OTUD7A: variants seen among roughly 807,000 people sequenced by gnomAD.
The protein encoded by OTUD7A is OTU deubiquitinase 7A, also known as OTU domain-containing protein 7A.
A neutral mutation model predicts 65.7 loss-of-function variants in OTUD7A; 12 were observed. That is an observed-to-expected ratio of 0.18 (90% confidence interval 0.12 to 0.30). OTUD7A has a LOEUF of 0.30. Ranked by LOEUF, OTUD7A falls within the 10% of genes least tolerant of loss-of-function variation. The pLI is 1.00. For synonymous variants in OTUD7A, 641 were observed against 586.3 expected (o/e 1.09, Z -1.35); for missense variants, 1,148 against 1,304.8 (o/e 0.88, Z 1.85).
chr15:31,611,173 C>T (rs1229575800), intron 3 of OTUD7A, among the ~76,000 whole-genome samples: 4 of 151,978 alleles, frequency 2.6e-5, no homozygotes, highest in Non-Finnish European at 5.9e-5. Context: ...GAGGAAACTT[C>T]ATAGCCCTAC....
At chr15:31,563,866 A>C (rs1888775540) in intron 4 of OTUD7A, among the ~76,000 whole-genome samples, 1 of 152,202 alleles carries the variant, frequency 6.6e-6, no homozygotes, top group Non-Finnish European at 1.5e-5. Flanking sequence ...CTCCAGCTTG[A>C]GTACCCTTCC....
chr15:31,654,681 T>C (rs1244280185), intron 3 of OTUD7A, among the ~76,000 whole-genome samples: 1 of 152,170 alleles, frequency 6.6e-6, no homozygotes, highest in Non-Finnish European at 1.5e-5. Context: ...GAAAACATCA[T>C]ACATACGGAG....
chr15:31,511,005 T>G (rs1461261694), intron 8 of OTUD7A, among the ~76,000 whole-genome samples: 1 of 56,422 alleles, frequency 1.8e-5, no homozygotes, highest in Non-Finnish European at 3.0e-5. Flanking sequence ...TATGTATATC[T>G]ATATGTAACA....
intron 1 of OTUD7A, among the ~76,000 whole-genome samples, chr15:31,663,261 A>G (rs1200516765): frequency 6.6e-6 from 1 of 151,746 alleles, no homozygotes; most frequent in Non-Finnish European, 1.5e-5. Context: ...ACACACACAC[A>G]CACACACACA....
chr15:31,811,551 G>A (rs977183118), intron 1 of OTUD7A, among the ~76,000 whole-genome samples: 4 of 152,128 alleles, frequency 2.6e-5, no homozygotes, highest in Non-Finnish European at 5.9e-5. Context: ...GTATGTGTAT[G>A]TGAGTGTGCG....
At position 31,655,233 on chromosome 15, in the gene OTUD7A, A is replaced by G; in HGVS notation, c.14T>C (p.Val5Ala). The change falls in exon 3 of 13, where the codon GTG (valine) becomes GCG (alanine). Residue 5 changes from valine (V) to alanine (A), a missense_variant. By Grantham distance (64) the Val-to-Ala change is moderately conservative. Coordinates refer to ENST00000307050, the MANE Select transcript of OTUD7A (RefSeq NM_001382637.1). ...CTCAGCCGAGGTGGGGTTTGGAAGC[A>G]CACTAGAAACCATCCATCTGCAGGA... is the stretch of plus-strand genomic sequence containing the variant. MVSSVLPNPTSAECW... is the reference protein window; with the variant it reads MVSSALPNPTSAECW... 1 of 1,405,088 alleles carries G rather than the reference A, an allele frequency of 7.1e-7. No homozygotes were observed. Among genetic ancestry groups the G allele is most frequent in the Non-Finnish European group, 9.8e-7 (1 of 1,023,624 alleles). The allele number at this position is 1,405,088 out of a possible 1,614,324, so 87.0% of individuals were successfully genotyped here. A position where few individuals can be genotyped will look rare whatever the true frequency, so the allele number is the denominator to read the frequency against.
intron 3 of OTUD7A, among the ~76,000 whole-genome samples, chr15:31,588,676 G>A (rs1199730457): frequency 1.3e-5 from 2 of 152,354 alleles, no homozygotes; most frequent in South Asian, 2.1e-4. Flanking sequence ...CAGCAGTCCA[G>A]GGTGGAGTCC....
At position 31,853,730 on chromosome 15, in the gene OTUD7A, T is replaced by G. The variant is rs138358303; in HGVS notation, c.-100+16777A>C. The stretch of plus-strand genomic sequence containing the variant: ...ACCCTGAAATCTAGGGAACACAGCC[T>G]GCCTTAGACAAAGGGAATTCATGTG... On this transcript the variant is annotated intron_variant, in intron 1 of 12. Transcript: ENST00000307050. Among the ~76,000 whole-genome samples, 6 of 152,368 alleles carry G rather than the reference T, an allele frequency of 3.9e-5. No individual in the cohort carries two copies. In the East Asian group the frequency reaches 1.2e-3, roughly 29 times the overall value.
intron 5 of OTUD7A, among the ~76,000 whole-genome samples, chr15:31,535,371 G>A (rs140130575): frequency 6.6e-6 from 1 of 152,134 alleles, no homozygotes; most frequent in Non-Finnish European, 1.5e-5. Context: ...TGCCATGATT[G>A]TAAGTTTCCT....
At chr15:31,543,823 A>G (rs1000273877) in intron 5 of OTUD7A, among the ~76,000 whole-genome samples, 1 of 151,934 alleles carries the variant, frequency 6.6e-6, no homozygotes, top group Non-Finnish European at 1.5e-5. Flanking sequence ...ACACATCTCT[A>G]TCGGTAATTG....
chr15:31,766,476 A>G lies in OTUD7A; in HGVS notation c.-100+104031T>C. On this transcript the variant is annotated intron_variant, in intron 1 of 12. Coordinates refer to ENST00000307050, the MANE Select transcript of OTUD7A (RefSeq NM_001382637.1). ...AAGTAAAGAGTCTTCTGAAAGTTCT[A>G]TTGTACTTTTGCAGAGTCTTTTATT... 8 of 1,598,054 alleles carry G rather than the reference A, an allele frequency of 5.0e-6. 1 individual carries two copies. The South Asian group carries it at 6.6e-5, about 13-fold the overall frequency.
intron 1 of OTUD7A, among the ~76,000 whole-genome samples, chr15:31,755,537 C>T (rs1197191005): frequency 1.3e-5 from 2 of 152,110 alleles, no homozygotes; most frequent in East Asian, 1.9e-4. Flanking sequence ...CTGGCTAACA[C>T]GGTGAAACCC....
At chr15:31,513,432 G>A (rs1280398813) in intron 8 of OTUD7A, among the ~76,000 whole-genome samples, 6 of 152,208 alleles carry the variant, frequency 3.9e-5, no homozygotes, top group African/African-American at 1.2e-4. Context: ...TGTGCCAGCT[G>A]TCCCAATAAT....
chr15:31,595,116 T>C (rs918877813), intron 3 of OTUD7A, among the ~76,000 whole-genome samples: 1 of 152,170 alleles, frequency 6.6e-6, no homozygotes, highest in Non-Finnish European at 1.5e-5. Context: ...TTCTTGGTCA[T>C]TAGAACATCA....
At chr15:31,680,825 G>A (rs575929768) in intron 1 of OTUD7A, among the ~76,000 whole-genome samples, 20 of 152,182 alleles carry the variant, frequency 1.3e-4, no homozygotes, top group African/African-American at 4.8e-4. Flanking sequence ...CATGCAGGCT[G>A]TGCTGGCACA....
intron 3 of OTUD7A, among the ~76,000 whole-genome samples, chr15:31,638,661 C>T (rs1891417449): frequency 6.6e-6 from 1 of 151,790 alleles, no homozygotes; most frequent in South Asian, 2.1e-4. Flanking sequence ...TCTCAAAGTG[C>T]TGGGACTACA....
chr15:31,766,005 C>G (rs1203248125), intron 1 of OTUD7A: 1 of 1,549,856 alleles, frequency 6.5e-7, no homozygotes, highest in East Asian at 2.2e-5. Flanking sequence ...CTCCTGAGCA[C>G]TAATCTGCTT....
intron 1 of OTUD7A, among the ~76,000 whole-genome samples, chr15:31,803,653 T>C (rs1214587482): frequency 6.6e-6 from 1 of 152,218 alleles, no homozygotes; most frequent in Non-Finnish European, 1.5e-5. Context: ...CTTTTCATTA[T>C]GACTCGGAAG....
chr15:31,855,570 G>A (rs1897548859), intron 1 of OTUD7A, among the ~76,000 whole-genome samples: 1 of 152,184 alleles, frequency 6.6e-6, no homozygotes, highest in Non-Finnish European at 1.5e-5. Flanking sequence ...CTGATACTGT[G>A]TGATCCTGGA....
Sources: allele counts gnomAD v4.1 joint callset (sites outside exome capture counted in the v4.1 genomes callset), GRCh38; gene constraint gnomAD v4.1.1; transcripts MANE v1.5; gene names NCBI Gene and HGNC (gene_info 2026-07-23, HGNC 2026-07-21).